The following ROBO1 variants were observed in gnomAD, a reference collection of about 807,000 sequenced individuals.
ROBO1 encodes roundabout homolog 1.
ROBO1 carries 149 observed loss-of-function variants against 195.9 expected under a neutral mutation model. That is an observed-to-expected ratio of 0.76 (90% CI 0.67 to 0.87). ROBO1 has a LOEUF of 0.87. Among genes scored for constraint, ROBO1 ranks in the 40% least tolerant of loss-of-function variants. The pLI is 0.00. For missense variants in ROBO1, 1,933 were observed against 2,068.3 expected, an observed-to-expected ratio of 0.93 and a Z score of 1.27; for synonymous variants, 816 against 733.2, an observed-to-expected ratio of 1.11 and a Z score of -1.82.
chr3:79,620,893 T>G lies in ROBO1; in HGVS notation c.-50-30932A>C, dbSNP rs189047088. Among the ~76,000 whole-genome samples the G allele has an allele frequency of 4.1e-3, 622 of 152,088 alleles. 6 individuals carry two copies. Among genetic ancestry groups the G allele is most frequent in the African/African-American group, 0.014 (596 of 41,478 alleles). ...AAAGCCTACAAATTCTCCTTACAAC[T>G]CTCCTGTCCTACCTGTCCAGAAACT... On this transcript the variant is annotated intron_variant, in intron 1 of 30. Coordinates refer to ENST00000464233, the MANE Select transcript of ROBO1 (RefSeq NM_002941.4).
chr3:79,666,462 C>A (rs1305364543), intron 1 of ROBO1, among the ~76,000 whole-genome samples: 6 of 152,032 alleles, frequency 3.9e-5, no homozygotes, highest in African/African-American at 9.6e-5. Context: ...CCACTGAAAT[C>A]TCATCTTGAA....
chr3:79,010,257 T>C (rs2077741969), intron 3 of ROBO1, among the ~76,000 whole-genome samples: 2 of 152,128 alleles, frequency 1.3e-5, no homozygotes, highest in Admixed American at 1.3e-4. Flanking sequence ...GTTTGTAGAA[T>C]TGTGAAAAGC....
chr3:79,725,279 T>G (rs1374625612), intron 1 of ROBO1, among the ~76,000 whole-genome samples: 1 of 137,212 alleles, frequency 7.3e-6, no homozygotes, highest in Non-Finnish European at 1.5e-5. Context: ...CAGGCTGGAG[T>G]GCAGTGGCGC....
At chr3:78,717,678 C>T in intron 6 of ROBO1, 85 bp downstream of exon 6, 2 of 1,454,866 alleles carry the variant, frequency 1.4e-6, no homozygotes, top group Non-Finnish European at 1.8e-6. Flanking sequence ...TTTGGCTTAA[C>T]AATTTTTCTT....
At chr3:79,164,642 G>A (rs374890138) in intron 2 of ROBO1, among the ~76,000 whole-genome samples, 152 of 152,074 alleles carry the variant, frequency 1.0e-3, no homozygotes, top group South Asian at 4.8e-3. Flanking sequence ...TAGAATTCAG[G>A]TCCTGGTACC....
At chr3:78,764,120 T>C (rs1310380268) in intron 4 of ROBO1, among the ~76,000 whole-genome samples, 1 of 152,180 alleles carries the variant, frequency 6.6e-6, no homozygotes, top group African/African-American at 2.4e-5. Context: ...GAAAAAAATA[T>C]TCATGTATTC....
chr3:79,588,388 A>G (rs1943896437), intron 2 of ROBO1, among the ~76,000 whole-genome samples: 1 of 151,618 alleles, frequency 6.6e-6, no homozygotes, highest in South Asian at 2.1e-4. Flanking sequence ...AACCTCACTT[A>G]ACAATTTTGA....
At chr3:79,180,913 T>C (rs1358633984) in intron 2 of ROBO1, among the ~76,000 whole-genome samples, 1 of 152,084 alleles carries the variant, frequency 6.6e-6, no homozygotes, top group African/African-American at 2.4e-5. Context: ...CCTGAGAACA[T>C]CTTGAAGGAG....
At chr3:79,330,273 G>GTATATATATATATATATA (rs34794861) in intron 2 of ROBO1, among the ~76,000 whole-genome samples, 12 of 137,852 alleles carry the variant, frequency 8.7e-5, no homozygotes, top group African/African-American at 2.4e-4. Context: ...GTATATATAT[G>GTATATATATATATATATA]TATATATATA....
chr3:79,275,960 A>T (rs2030997526), intron 2 of ROBO1, among the ~76,000 whole-genome samples: 1 of 151,958 alleles, frequency 6.6e-6, no homozygotes, highest in Admixed American at 6.6e-5. Flanking sequence ...TGAAACACTG[A>T]TGCAAGAAAT....
At chr3:79,320,461 G>A (rs1188654275) in intron 2 of ROBO1, among the ~76,000 whole-genome samples, 1 of 152,124 alleles carries the variant, frequency 6.6e-6, no homozygotes, top group East Asian at 1.9e-4. Context: ...CTGAGTAGCT[G>A]AGACTACAGG....
intron 1 of ROBO1, among the ~76,000 whole-genome samples, chr3:79,760,397 A>T (rs1197579307): frequency 6.6e-6 from 1 of 150,776 alleles, no homozygotes. Context: ...TTAACAAAGC[A>T]CAGTGTATAT....
At chr3:78,973,151 G>C (rs913780871) in intron 3 of ROBO1, among the ~76,000 whole-genome samples, 8 of 151,876 alleles carry the variant, frequency 5.3e-5, no homozygotes, top group African/African-American at 1.9e-4. Flanking sequence ...AGTTTCTTTT[G>C]CTTGCAATGA....
intron 2 of ROBO1, among the ~76,000 whole-genome samples, chr3:79,425,661 A>G (rs910458295): frequency 2.6e-5 from 4 of 151,158 alleles, no homozygotes; most frequent in Non-Finnish European, 5.9e-5. Context: ...AGCAAAGACC[A>G]TGACTAAGGA....
At chr3:78,776,301 G>C (rs1260034465) in intron 4 of ROBO1, among the ~76,000 whole-genome samples, 1 of 151,940 alleles carries the variant, frequency 6.6e-6, no homozygotes, top group Admixed American at 6.6e-5. Flanking sequence ...ACCCAGGCTG[G>C]AGTGCAATGG....
intron 2 of ROBO1, among the ~76,000 whole-genome samples, chr3:79,187,199 A>G (rs1245491834): frequency 6.6e-6 from 1 of 152,018 alleles, no homozygotes; most frequent in African/African-American, 2.4e-5. Flanking sequence ...AGAAGAGGTA[A>G]TATATGGAAA....
intron 2 of ROBO1, among the ~76,000 whole-genome samples, chr3:79,182,114 G>A (rs2081352119): frequency 6.6e-6 from 1 of 151,728 alleles, no homozygotes. Flanking sequence ...TCTTCCATGT[G>A]GACTTAAAAT....
At chr3:79,175,348 G>A (rs1021021502) in intron 2 of ROBO1, among the ~76,000 whole-genome samples, 7 of 152,074 alleles carry the variant, frequency 4.6e-5, no homozygotes, top group Non-Finnish European at 1.5e-5. Context: ...GTCTTACTGT[G>A]TTTCCCAGGC....
chr3:79,501,229 G>A (rs1012823969), intron 2 of ROBO1, among the ~76,000 whole-genome samples: 1 of 152,126 alleles, frequency 6.6e-6, no homozygotes, highest in African/African-American at 2.4e-5. Flanking sequence ...TAGTAACAGA[G>A]AATGGATGGT....
Sources: gnomAD v4.1 joint callset for allele counts (sites outside exome capture counted in the v4.1 genomes callset) on GRCh38, gnomAD v4.1.1 for gene constraint, MANE v1.5 for transcripts, NCBI Gene and HGNC (gene_info 2026-07-23, HGNC 2026-07-21) for gene names.